The following CMKLR1 variants were observed in gnomAD, a reference collection of about 807,000 sequenced individuals.
CMKLR1 encodes chemerin chemokine-like receptor 1.
A neutral mutation model predicts 8.2 loss-of-function variants in CMKLR1; 6 were observed. The ratio of observed to expected loss-of-function variants is 0.73; its 90% CI spans 0.40 to 1.44. CMKLR1 has a LOEUF of 1.44. Among genes scored for constraint, CMKLR1 ranks in the 40% most tolerant of loss-of-function variants. The pLI, the probability that CMKLR1 is intolerant of heterozygous loss-of-function variation, is 0.02. For synonymous variants in CMKLR1, 178 were observed against 181.2 expected, an observed-to-expected ratio of 0.98 and a Z score of 0.14; for missense variants, 429 against 478.0, an observed-to-expected ratio of 0.90 and a Z score of 0.96.
chr12:108,311,015 G>GA (rs1474007061), intron 2 of CMKLR1, among the ~76,000 whole-genome samples: 1 of 151,374 alleles, frequency 6.6e-6, no homozygotes, highest in Non-Finnish European at 1.5e-5. Flanking sequence ...AGTCTCTGGG[G>GA]TCTGGTGCTG....
At chr12:108,311,019 G>A (rs1187539503) in intron 2 of CMKLR1, among the ~76,000 whole-genome samples, 1 of 151,388 alleles carries the variant, frequency 6.6e-6, no homozygotes, top group Admixed American at 6.6e-5. Context: ...TCTGGGGTCT[G>A]GTGCTGGGGT....
At chr12:108,316,185 A>C (rs151088979) in intron 2 of CMKLR1, among the ~76,000 whole-genome samples, 88 of 152,282 alleles carry the variant, frequency 5.8e-4, no homozygotes, top group South Asian at 1.7e-3. Context: ...AGGCCTTCTG[A>C]GCCCTGTGTG....
chr12:108,322,143 G>A (rs564267276), intron 2 of CMKLR1, among the ~76,000 whole-genome samples: 33 of 152,318 alleles, frequency 2.2e-4, no homozygotes, highest in Non-Finnish European at 4.6e-4. Context: ...CTTTCTAAAT[G>A]TGGAGGGAGA....
intron 1 of CMKLR1, among the ~76,000 whole-genome samples, chr12:108,333,891 A>G (rs1892163996): frequency 6.6e-6 from 1 of 152,276 alleles, no homozygotes; most frequent in South Asian, 2.1e-4. Context: ...CTAAAAAGAA[A>G]TAACTGGTTT....
Position 108,299,813 on chromosome 12 carries a change from G to A in CMKLR1, c.-73-6149C>T, listed in dbSNP as rs369838625. On this transcript the variant is annotated intron_variant, in intron 2 of 3. Transcript: ENST00000550402. ...CCCCTGGAGCCTTCAGAGGGAGCACGACCCTTGATTTCAGAGTTCTGGCCT... is the reference window on the plus strand; with the variant it reads ...CCCCTGGAGCCTTCAGAGGGAGCACAACCCTTGATTTCAGAGTTCTGGCCT... Among the ~76,000 whole-genome samples the A allele has an allele frequency of 1.5e-3, 233 of 152,244 alleles. 3 individuals carry two copies. The highest frequency in any genetic ancestry group is 2.3e-3 in the African/African-American group (94 of 41,544).
chr12:108,308,000 G>A (rs1451267819), intron 2 of CMKLR1, among the ~76,000 whole-genome samples: 1 of 152,238 alleles, frequency 6.6e-6, no homozygotes, highest in Non-Finnish European at 1.5e-5. Context: ...TGAGAAAACT[G>A]AGATTCAGAT....
intron 2 of CMKLR1, among the ~76,000 whole-genome samples, chr12:108,320,380 G>A (rs1347098698): frequency 3.9e-5 from 6 of 152,122 alleles, no homozygotes; most frequent in Non-Finnish European, 8.8e-5. Context: ...TATGCGCCAG[G>A]TAAGGGGTGC....
At chr12:108,308,253 G>T (rs1891458036) in intron 2 of CMKLR1, among the ~76,000 whole-genome samples, 1 of 152,160 alleles carries the variant, frequency 6.6e-6, no homozygotes. Flanking sequence ...AACAAGGCTG[G>T]TGAGGTGCTT....
chr12:108,326,076 A>G (rs1891976399), intron 2 of CMKLR1, among the ~76,000 whole-genome samples: 2 of 152,180 alleles, frequency 1.3e-5, no homozygotes, highest in African/African-American at 4.8e-5. Flanking sequence ...GAACTCTGCT[A>G]ACATGCAGCT....
chr12:108,316,188 C>A (rs1051576282), intron 2 of CMKLR1, among the ~76,000 whole-genome samples: 1 of 152,176 alleles, frequency 6.6e-6, no homozygotes, highest in African/African-American at 2.4e-5. Context: ...CCTTCTGAGC[C>A]CTGTGTGGCT....
chr12:108,289,411 T>A lies in CMKLR1; in HGVS notation c.*2430A>T, dbSNP rs2059596. The A allele has an allele frequency of 0.081, 12,317 of 152,276 alleles. 735 individuals are homozygous for A. The highest frequency in any genetic ancestry group is 0.17 in the African/African-American group (7,030 of 41,508). The allele number at this position is 152,276 out of a possible 1,614,324, so 9.4% of individuals were successfully genotyped here. On this transcript the variant is annotated 3_prime_UTR_variant, in exon 4 of 4. Coordinates refer to ENST00000550402, the MANE Select transcript of CMKLR1 (RefSeq NM_001142343.2). Reference sequence around the variant, plus strand: ...TTTAAGTACTTGACAGGAACCTAAGTCAGAACAGGAAGACCCACAGAGCAG... The same window carrying A: ...TTTAAGTACTTGACAGGAACCTAAGACAGAACAGGAAGACCCACAGAGCAG...
At chr12:108,323,586 C>A (rs1307868787) in intron 2 of CMKLR1, among the ~76,000 whole-genome samples, 3 of 152,166 alleles carry the variant, frequency 2.0e-5, no homozygotes, top group African/African-American at 7.2e-5. Context: ...TGACTCTGCT[C>A]CAAATGTTCC....
intron 2 of CMKLR1, chr12:108,317,877 A>G (rs1278984349): frequency 2.0e-5 from 3 of 152,220 alleles, no homozygotes; most frequent in African/African-American, 7.2e-5. Context: ...TCCCTATGTT[A>G]GTTCCTCATG....
intron 2 of CMKLR1, among the ~76,000 whole-genome samples, chr12:108,304,628 C>T (rs55943806): frequency 0.15 from 22,533 of 152,084 alleles, 1,706 homozygotes; most frequent in African/African-American, 0.18. Context: ...TGGCCCTCTC[C>T]GTCTCTTCCA....
chr12:108,309,243 T>C (rs1891489373), intron 2 of CMKLR1, among the ~76,000 whole-genome samples: 1 of 152,236 alleles, frequency 6.6e-6, no homozygotes, highest in Admixed American at 6.5e-5. Context: ...GGCAGTGATT[T>C]GTGCTGTGAA....
intron 2 of CMKLR1, among the ~76,000 whole-genome samples, chr12:108,311,590 C>T (rs890861725): frequency 6.9e-4 from 105 of 152,280 alleles, no homozygotes; most frequent in African/African-American, 2.2e-3. Flanking sequence ...TGCACCACTG[C>T]GCTCCAGCCT....
chr12:108,295,394 C>A (rs1205496720), intron 2 of CMKLR1, among the ~76,000 whole-genome samples: 1 of 152,250 alleles, frequency 6.6e-6, no homozygotes, highest in Admixed American at 6.5e-5. Flanking sequence ...ATGACCATCA[C>A]CAACCTTCCT....
At chr12:108,325,819 T>A (rs945622267) in intron 2 of CMKLR1, among the ~76,000 whole-genome samples, 17 of 152,066 alleles carry the variant, frequency 1.1e-4, no homozygotes, top group African/African-American at 4.1e-4. Context: ...CCACATCCTC[T>A]CCCAGTTCTC....
At position 108,290,577 on chromosome 12, in the gene CMKLR1, C is replaced by T. The variant is rs887406253; in HGVS notation, c.*1264G>A. 17 of 152,200 alleles carry T rather than the reference C, an allele frequency of 1.1e-4. No individual in the cohort carries two copies. Among genetic ancestry groups the T allele is most frequent in the African/African-American group, 3.4e-4 (14 of 41,440 alleles). 9.4% of individuals were successfully genotyped at this position (152,200 alleles called of 1,614,324 possible). A position where few individuals can be genotyped will look rare whatever the true frequency, so the allele number is the denominator to read the frequency against. On this transcript the variant is annotated 3_prime_UTR_variant, in exon 4 of 4. Transcript: ENST00000550402. ...AGATCTTAACTCTGCCACTGATTAG[C>T]TGTGTGATGCTGGGCAAGTTACTTT... is the stretch of plus-strand genomic sequence containing the variant.
Sources: gnomAD v4.1 joint callset for allele counts (sites outside exome capture counted in the v4.1 genomes callset) on GRCh38, gnomAD v4.1.1 for gene constraint, MANE v1.5 for transcripts, NCBI Gene and HGNC (gene_info 2026-07-23, HGNC 2026-07-21) for gene names.